RYR3: variants seen among roughly 807,000 people sequenced by gnomAD.
RYR3 encodes the protein ryanodine receptor 3, also known as brain ryanodine receptor-calcium release channel.
In RYR3, 207 loss-of-function variants were observed where a neutral mutation model predicts 584.3. The observed-to-expected ratio is 0.35, with a 90% CI of 0.32 to 0.40. The LOEUF (loss-of-function observed/expected upper bound fraction) is 0.40. RYR3 is among the 10% of genes least tolerant of loss of function. The pLI is 1.00. For synonymous variants in RYR3, 2,416 were observed against 2,248.5 expected, an observed-to-expected ratio of 1.07 and a Z score of -2.11; for missense variants, 5,616 against 6,089.2, an observed-to-expected ratio of 0.92 and a Z score of 2.59.
chr15:33,743,549 C>G (rs1367408031), intron 52 of RYR3, among the ~76,000 whole-genome samples: 1 of 152,190 alleles, frequency 6.6e-6, no homozygotes, highest in African/African-American at 2.4e-5. Context: ...GGCCCTTGCT[C>G]TAGAGCATCT....
intron 1 of RYR3, among the ~76,000 whole-genome samples, chr15:33,420,194 T>C (rs1430148396): frequency 1.3e-5 from 2 of 152,152 alleles, no homozygotes; most frequent in African/African-American, 4.8e-5. Context: ...GAATTTGCAT[T>C]GCATAGAGAG....
At chr15:33,742,992 A>C (rs2070313769) in intron 52 of RYR3, among the ~76,000 whole-genome samples, 1 of 152,156 alleles carries the variant, frequency 6.6e-6, no homozygotes, top group Non-Finnish European at 1.5e-5. Context: ...CTGTTTAATA[A>C]GTTTCATTGC....
chr15:33,338,538 C>T (rs1046474282), intron 1 of RYR3, among the ~76,000 whole-genome samples: 4 of 152,220 alleles, frequency 2.6e-5, no homozygotes, highest in Non-Finnish European at 4.4e-5. Context: ...GACAAGTTAT[C>T]AATTTCCATT....
At chr15:33,527,268 TTAAAAAA>T (rs147833715) in intron 3 of RYR3, among the ~76,000 whole-genome samples, 2,753 of 152,090 alleles carry the variant, frequency 0.018, 88 homozygotes, top group African/African-American at 0.063. Flanking sequence ...GGCAAATTCT[TTAAAAAA>T]TAAAATAAAA....
intron 92 of RYR3, among the ~76,000 whole-genome samples, chr15:33,844,505 C>G (rs982124637): frequency 6.6e-6 from 1 of 152,202 alleles, no homozygotes; most frequent in African/African-American, 2.4e-5. Flanking sequence ...AGCGGGCACA[C>G]ACATCCTTCA....
At chr15:33,665,489 G>A (rs1426389901) in intron 36 of RYR3, among the ~76,000 whole-genome samples, 2 of 152,214 alleles carry the variant, frequency 1.3e-5, no homozygotes, top group Non-Finnish European at 2.9e-5. Context: ...GTGACCCGAT[G>A]AGTGGAGTTC....
chr15:33,506,444 T>A (rs768722988), intron 3 of RYR3, among the ~76,000 whole-genome samples: 2 of 152,226 alleles, frequency 1.3e-5, no homozygotes, highest in Non-Finnish European at 2.9e-5. Flanking sequence ...CATCATCATG[T>A]TGAGTCAGAC....
Position 33,473,415 on chromosome 15 carries a change from G to A in RYR3, c.52-4G>A, listed in dbSNP as rs113616117. 1 of 1,613,784 alleles carries A rather than the reference G, an allele frequency of 6.2e-7. No individual in the cohort carries two copies. Among genetic ancestry groups the A allele is most frequent in the African/African-American group, 1.3e-5 (1 of 75,026 alleles). On this transcript the variant is annotated splice_region_variant and splice_polypyrimidine_tract_variant and intron_variant, in intron 1 of 103. Transcript: ENST00000634891. Reference sequence around the variant, plus strand: ...TCATGTTTGGGTCTCTCTTCTCCTGGCAGGAGGATGAAGTGGTACTCCAGT... The same window carrying A: ...TCATGTTTGGGTCTCTCTTCTCCTGACAGGAGGATGAAGTGGTACTCCAGT...
At chr15:33,687,209 T>G (rs963364462) in intron 38 of RYR3, among the ~76,000 whole-genome samples, 3 of 152,210 alleles carry the variant, frequency 2.0e-5, no homozygotes, top group Non-Finnish European at 2.9e-5. Flanking sequence ...GATAAGCAAC[T>G]TCAGCAAAGT....
chr15:33,443,175 C>T (rs934585415), intron 1 of RYR3, among the ~76,000 whole-genome samples: 1 of 151,732 alleles, frequency 6.6e-6, no homozygotes, highest in South Asian at 2.1e-4. Flanking sequence ...GGGAGAATTC[C>T]TTGAACTAGG....
intron 67 of RYR3, 107 bp downstream of exon 67, chr15:33,788,565 G>T: frequency 7.9e-7 from 1 of 1,265,334 alleles, no homozygotes; most frequent in Non-Finnish European, 1.1e-6. Flanking sequence ...AGATAAAGGA[G>T]GCGATAGCCG....
chr15:33,786,065 A>T (rs531023773), intron 66 of RYR3, 83 bp downstream of exon 66: 1 of 1,208,190 alleles, frequency 8.3e-7, no homozygotes, highest in African/African-American at 1.5e-5. Context: ...TAATTCCAAG[A>T]TGGTTTTGCA....
At chr15:33,829,514 C>A (rs552432222) in intron 85 of RYR3, among the ~76,000 whole-genome samples, 165 of 151,876 alleles carry the variant, frequency 1.1e-3, no homozygotes, top group African/African-American at 3.8e-3. Flanking sequence ...TTTGGGAGGC[C>A]AAGGCAGGAG....
intron 101 of RYR3, 46 bp downstream of exon 101, chr15:33,860,705 C>G: frequency 1.5e-6 from 2 of 1,328,240 alleles, no homozygotes; most frequent in Non-Finnish European, 2.1e-6. Flanking sequence ...TTAATATCCC[C>G]AGAAGCAAAT....
intron 2 of RYR3, among the ~76,000 whole-genome samples, chr15:33,478,109 G>T (rs77924781): frequency 1.2e-4 from 14 of 117,048 alleles, no homozygotes; most frequent in Admixed American, 1.1e-3. Context: ...TGAGGGGGTT[G>T]GGGGGGGTGG....
intron 1 of RYR3, among the ~76,000 whole-genome samples, chr15:33,337,705 GA>G (rs1971289331): frequency 6.6e-6 from 1 of 152,064 alleles, no homozygotes; most frequent in South Asian, 2.1e-4. Flanking sequence ...AAAATAACCT[GA>G]TAACATGGTG....
intron 3 of RYR3, among the ~76,000 whole-genome samples, chr15:33,526,558 T>G (rs1190956893): frequency 6.6e-6 from 1 of 151,968 alleles, no homozygotes; most frequent in Non-Finnish European, 1.5e-5. Context: ...ATGAAAAGAG[T>G]AGAATTTGTA....
At chr15:33,684,559 T>C (rs1237676254) in intron 38 of RYR3, among the ~76,000 whole-genome samples, 1 of 152,074 alleles carries the variant, frequency 6.6e-6, no homozygotes, top group Non-Finnish European at 1.5e-5. Context: ...TTCCCCAATG[T>C]AGCAAGGCAG....
intron 12 of RYR3, 72 bp downstream of exon 12, chr15:33,566,871 C>T: frequency 6.7e-7 from 1 of 1,498,370 alleles, no homozygotes; most frequent in Non-Finnish European, 9.3e-7. Context: ...CACCCACCTC[C>T]TTTTGATACT....
Sources: allele counts gnomAD v4.1 joint callset (sites outside exome capture counted in the v4.1 genomes callset), GRCh38; gene constraint gnomAD v4.1.1; transcripts MANE v1.5; gene names NCBI Gene and HGNC (gene_info 2026-07-23, HGNC 2026-07-21).